Variants in CSMD3 observed in about 807,000 individuals in gnomAD.
CSMD3 encodes the protein CUB and sushi domain-containing protein 3.
In CSMD3, 177 loss-of-function variants were observed where a neutral mutation model predicts 435.2. That is an observed-to-expected ratio of 0.41 (90% CI 0.36 to 0.46). The LOEUF is 0.46. Ranked by LOEUF, CSMD3 falls within the 20% of genes least tolerant of loss-of-function variation. CSMD3 has a pLI of 0.34. For synonymous variants in CSMD3, 1,656 were observed against 1,520.5 expected (o/e 1.09, Z -2.07); for missense variants, 4,265 against 4,504.6 (o/e 0.95, Z 1.52).
intron 6 of CSMD3, among the ~76,000 whole-genome samples, chr8:112,984,391 T>A (rs1564178358): frequency 1.3e-5 from 2 of 152,208 alleles, no homozygotes; most frequent in East Asian, 3.9e-4. Flanking sequence ...GTGTGCTTAC[T>A]TTAGTTTTAC....
intron 13 of CSMD3, among the ~76,000 whole-genome samples, chr8:112,728,797 G>A (rs2077018263): frequency 6.6e-6 from 1 of 151,902 alleles, no homozygotes; most frequent in Admixed American, 6.6e-5. Context: ...GTAAAGTTCT[G>A]CTTCTGATAT....
intron 4 of CSMD3, among the ~76,000 whole-genome samples, chr8:113,138,264 A>G (rs2091464231): frequency 6.6e-6 from 1 of 151,446 alleles, no homozygotes; most frequent in African/African-American, 2.4e-5. Context: ...TTAGTGATGT[A>G]TAGGCTATTT....
chr8:113,171,212 T>C (rs2131878051), intron 4 of CSMD3, among the ~76,000 whole-genome samples: 1 of 152,220 alleles, frequency 6.6e-6, no homozygotes, highest in South Asian at 2.1e-4. Context: ...TGAATGCTAT[T>C]ACATTAAACT....
chr8:112,442,827 G>A (rs1815179838), intron 32 of CSMD3, among the ~76,000 whole-genome samples: 1 of 152,192 alleles, frequency 6.6e-6, no homozygotes, highest in South Asian at 2.1e-4. Flanking sequence ...AAACAGGAAT[G>A]CAGATGTGAT....
chr8:112,337,519 G>C lies in CSMD3; in HGVS notation c.6841+24C>G, dbSNP rs1333959216. 6.3e-6 allele frequency: 10 copies of C among 1,593,390 alleles called. No individual in the cohort carries two copies. The East Asian group carries it at 2.2e-4, about 36-fold the overall frequency. On this transcript the variant is annotated intron_variant, in intron 43 of 70. Transcript: ENST00000297405. ...TAAAAACAGATGACATCACCTAAAA[G>C]ATAGCTTCAAGTTAGAAGCATACCT...
intron 11 of CSMD3, among the ~76,000 whole-genome samples, chr8:112,833,219 C>A (rs1021653317): frequency 1.3e-5 from 2 of 152,038 alleles, no homozygotes; most frequent in Non-Finnish European, 2.9e-5. Context: ...AATGGAATTG[C>A]AGTGAATCTG....
intron 40 of CSMD3, among the ~76,000 whole-genome samples, chr8:112,348,358 A>T (rs1177101688): frequency 2.6e-5 from 4 of 152,214 alleles, no homozygotes; most frequent in African/African-American, 7.2e-5. Context: ...AATATCTAAA[A>T]TCTCACATAA....
chr8:113,002,363 A>G (rs1314530414), intron 6 of CSMD3, among the ~76,000 whole-genome samples: 1 of 152,110 alleles, frequency 6.6e-6, no homozygotes, highest in Non-Finnish European at 1.5e-5. Flanking sequence ...TAATGCATTT[A>G]TTATTTTTGA....
At chr8:112,597,120 C>A (rs190634217) in intron 22 of CSMD3, among the ~76,000 whole-genome samples, 1 of 151,474 alleles carries the variant, frequency 6.6e-6, no homozygotes, top group Non-Finnish European at 1.5e-5. Context: ...AGACCGCTAG[C>A]AAGACTAATA....
At chr8:112,331,564 ATT>A (rs4030103) in intron 45 of CSMD3, among the ~76,000 whole-genome samples, 1 of 151,580 alleles carries the variant, frequency 6.6e-6, no homozygotes, top group African/African-American at 2.4e-5. Context: ...AAAAACATAC[ATT>A]TTTTTCCCTC....
chr8:113,383,959 A>C (rs575667778), intron 1 of CSMD3, among the ~76,000 whole-genome samples: 7 of 152,292 alleles, frequency 4.6e-5, no homozygotes, highest in African/African-American at 1.7e-4. Context: ...AAAGCAACTT[A>C]TCTAATGCAT....
intron 38 of CSMD3, among the ~76,000 whole-genome samples, chr8:112,373,021 T>C (rs934782876): frequency 4.5e-5 from 5 of 110,986 alleles, no homozygotes; most frequent in Admixed American, 4.0e-4. Context: ...TATATATATA[T>C]ATTTTTTTTC....
chr8:112,630,645 G>GT (rs2074488592), intron 22 of CSMD3, among the ~76,000 whole-genome samples: 1 of 152,110 alleles, frequency 6.6e-6, no homozygotes, highest in African/African-American at 2.4e-5. Flanking sequence ...TTTTTAGGTG[G>GT]TAAGTCATAA....
chr8:112,950,891 T>C (rs556234552), intron 8 of CSMD3, among the ~76,000 whole-genome samples: 3 of 152,018 alleles, frequency 2.0e-5, no homozygotes, highest in Non-Finnish European at 4.4e-5. Context: ...GCAGAGCATG[T>C]GTATAATTTC....
At chr8:112,596,466 A>G (rs1831732418) in intron 22 of CSMD3, among the ~76,000 whole-genome samples, 1 of 152,140 alleles carries the variant, frequency 6.6e-6, no homozygotes, top group Non-Finnish European at 1.5e-5. Context: ...ACGAGACAGA[A>G]AGTTAACTAA....
intron 12 of CSMD3, among the ~76,000 whole-genome samples, chr8:112,818,322 T>G (rs893738981): frequency 6.6e-6 from 1 of 152,148 alleles, no homozygotes; most frequent in African/African-American, 2.4e-5. Context: ...TGAAGTCATC[T>G]TCTAATAAAA....
At chr8:112,232,614 AAT>A (rs1813198155) in intron 68 of CSMD3, among the ~76,000 whole-genome samples, 1 of 152,194 alleles carries the variant, frequency 6.6e-6, no homozygotes, top group Non-Finnish European at 1.5e-5. Context: ...GCTCAAAAAA[AAT>A]GAAAGTATTT....
chr8:112,261,556 T>C (rs185191368), intron 61 of CSMD3, among the ~76,000 whole-genome samples: 1 of 151,890 alleles, frequency 6.6e-6, no homozygotes, highest in African/African-American at 2.4e-5. Context: ...CATATATGTA[T>C]GTGTGTGTGT....
At chr8:112,325,250 T>A (rs997646760) in intron 45 of CSMD3, among the ~76,000 whole-genome samples, 8 of 152,182 alleles carry the variant, frequency 5.3e-5, no homozygotes, top group African/African-American at 1.9e-4. Context: ...TCTTAAATGG[T>A]TGAGAGCTTA....
Sources: gnomAD v4.1 joint callset for allele counts (sites outside exome capture counted in the v4.1 genomes callset) on GRCh38, gnomAD v4.1.1 for gene constraint, MANE v1.5 for transcripts, NCBI Gene and HGNC (gene_info 2026-07-23, HGNC 2026-07-21) for gene names.